The following CSMD1 variants were observed in gnomAD, a reference collection of about 807,000 sequenced individuals.
CSMD1 encodes the protein CUB and sushi domain-containing protein 1.
In CSMD1, 213 loss-of-function variants were observed where a neutral mutation model predicts 417.5. The ratio of observed to expected loss-of-function variants is 0.51; its 90% CI spans 0.46 to 0.57. The LOEUF is 0.57. CSMD1 is among the 20% of genes least tolerant of loss of function. CSMD1 has a pLI of 0.00. For synonymous variants in CSMD1, 2,862 were observed against 1,736.8 expected (o/e 1.65, Z -16.11); for missense variants, 6,923 against 4,529.7 (o/e 1.53, Z -15.17).
intron 2 of CSMD1, among the ~76,000 whole-genome samples, chr8:4,432,733 G>C (rs1368787468): frequency 6.6e-6 from 1 of 152,134 alleles, no homozygotes; most frequent in Non-Finnish European, 1.5e-5. Context: ...AAGTTCACAG[G>C]AGATTTCAAA....
intron 3 of CSMD1, among the ~76,000 whole-genome samples, chr8:4,039,251 G>A (rs544031517): frequency 6.6e-6 from 1 of 152,178 alleles, no homozygotes; most frequent in East Asian, 1.9e-4. Context: ...TAGTCTCCTG[G>A]TAGCTTAAGA....
chr8:3,261,333 G>C (rs1801045017), intron 26 of CSMD1, among the ~76,000 whole-genome samples: 2 of 152,250 alleles, frequency 1.3e-5, no homozygotes, highest in East Asian at 1.9e-4. Flanking sequence ...ATTCAATTCT[G>C]CAATTGCATT....
intron 5 of CSMD1, among the ~76,000 whole-genome samples, chr8:3,991,874 C>T (rs906504395): frequency 6.6e-6 from 1 of 152,086 alleles, no homozygotes; most frequent in Non-Finnish European, 1.5e-5. Context: ...TTTTTCTCAT[C>T]TATAAAATGG....
chr8:3,674,977 G>C (rs13265504), intron 7 of CSMD1, among the ~76,000 whole-genome samples: 70,521 of 152,022 alleles, frequency 0.46, 16,804 homozygotes, highest in Admixed American at 0.57. Flanking sequence ...GCACAAAAAG[G>C]GGTTAACATC....
chr8:4,808,798 C>A (rs909306252), intron 1 of CSMD1, among the ~76,000 whole-genome samples: 2 of 152,188 alleles, frequency 1.3e-5, no homozygotes, highest in East Asian at 3.9e-4. Flanking sequence ...ATTCCCCAGG[C>A]CAACAGGCAT....
intron 54 of CSMD1, among the ~76,000 whole-genome samples, chr8:2,992,365 C>A (rs934720505): frequency 6.6e-6 from 1 of 151,866 alleles, no homozygotes; most frequent in African/African-American, 2.4e-5. Context: ...ATGGCGAAAG[C>A]GCCCCTGAAC....
intron 5 of CSMD1, among the ~76,000 whole-genome samples, chr8:3,873,432 C>G (rs544640000): frequency 8.1e-4 from 124 of 152,200 alleles, no homozygotes; most frequent in Non-Finnish European, 1.4e-3. Flanking sequence ...AGGCCATTAT[C>G]TTTAGCAAAC....
chr8:2,945,767 T>C (rs574802104), intron 68 of CSMD1, among the ~76,000 whole-genome samples: 156 of 152,282 alleles, frequency 1.0e-3, no homozygotes, highest in African/African-American at 3.7e-3. Flanking sequence ...CACGTTATTA[T>C]TGGTTCCTTG....
At chr8:4,053,945 G>A (rs750659375) in intron 3 of CSMD1, among the ~76,000 whole-genome samples, 1 of 152,106 alleles carries the variant, frequency 6.6e-6, no homozygotes, top group African/African-American at 2.4e-5. Context: ...ACATATCTGT[G>A]CATTCTTTAT....
chr8:3,873,069 T>C (rs1805588602), intron 5 of CSMD1, among the ~76,000 whole-genome samples: 1 of 152,102 alleles, frequency 6.6e-6, no homozygotes, highest in Non-Finnish European at 1.5e-5. Flanking sequence ...GCTGGCAAGG[T>C]TGCAGATAAA....
At chr8:3,623,763 G>A (rs766511039) in intron 7 of CSMD1, among the ~76,000 whole-genome samples, 1 of 152,092 alleles carries the variant, frequency 6.6e-6, no homozygotes, top group East Asian at 1.9e-4. Flanking sequence ...ATCACCTGAG[G>A]TGAGGAGTTC....
rs185108415 is a variant in CSMD1, at chr8:4,948,176, T to C, written c.85+46156A>G. Among the ~76,000 whole-genome samples, 451 of 152,216 alleles carry C rather than the reference T, an allele frequency of 3.0e-3. 4 individuals carry two copies. Among genetic ancestry groups the C allele is most frequent in the African/African-American group, 0.01 (422 of 41,572 alleles). ...AGTTTCCTAATGATCAATTTATTTT[T>C]ACCTCTCGCTATTGCTACAGGTCAT... is the stretch of plus-strand genomic sequence containing the variant. On this transcript the variant is annotated intron_variant, in intron 1 of 69. Coordinates refer to ENST00000635120, the MANE Select transcript of CSMD1 (RefSeq NM_033225.6).
intron 10 of CSMD1, among the ~76,000 whole-genome samples, chr8:3,528,507 T>C (rs956937895): frequency 1.3e-5 from 2 of 152,238 alleles, no homozygotes; most frequent in East Asian, 3.8e-4. Context: ...AGGAACCCTG[T>C]GGGCTCTTCT....
At chr8:3,397,124 C>T (rs1369881581) in intron 16 of CSMD1, among the ~76,000 whole-genome samples, 2 of 152,088 alleles carry the variant, frequency 1.3e-5, no homozygotes, top group Non-Finnish European at 2.9e-5. Context: ...CCACTCCAGG[C>T]ACGGAGATAA....
intron 5 of CSMD1, among the ~76,000 whole-genome samples, chr8:3,846,070 A>T: frequency 6.8e-6 from 1 of 146,758 alleles, no homozygotes; most frequent in East Asian, 2.0e-4. Flanking sequence ...TTAAAAAAAA[A>T]ATAATAAGCA....
At chr8:4,927,198 C>T (rs1347132261) in intron 1 of CSMD1, among the ~76,000 whole-genome samples, 1 of 151,238 alleles carries the variant, frequency 6.6e-6, no homozygotes, top group East Asian at 1.9e-4. Context: ...TCTCCACCTC[C>T]CACGTTCAAG....
intron 20 of CSMD1, among the ~76,000 whole-genome samples, chr8:3,364,997 C>T (rs1809459087): frequency 6.6e-6 from 1 of 152,186 alleles, no homozygotes; most frequent in Non-Finnish European, 1.5e-5. Flanking sequence ...TGAACTGTAA[C>T]AGACTTGCGT....
chr8:4,840,421 T>C (rs1385777542), intron 1 of CSMD1, among the ~76,000 whole-genome samples: 1 of 152,232 alleles, frequency 6.6e-6, no homozygotes, highest in Non-Finnish European at 1.5e-5. Flanking sequence ...TTTTAACCAC[T>C]TATATGTTGA....
chr8:4,686,487 A>G (rs1358183395), intron 1 of CSMD1, among the ~76,000 whole-genome samples: 2 of 152,212 alleles, frequency 1.3e-5, no homozygotes, highest in Non-Finnish European at 1.5e-5. Context: ...TAGAGAAAAG[A>G]AATAACCTGT....
Sources: gnomAD v4.1 joint callset for allele counts (sites outside exome capture counted in the v4.1 genomes callset) on GRCh38, gnomAD v4.1.1 for gene constraint, MANE v1.5 for transcripts, NCBI Gene and HGNC (gene_info 2026-07-23, HGNC 2026-07-21) for gene names.